Variants in PRSS38 observed in about 807,000 individuals in gnomAD.
The protein encoded by PRSS38 is marapsin 2.
Under a neutral mutation model 26.8 loss-of-function variants are expected in PRSS38, and 22 were observed. The ratio of observed to expected loss-of-function variants is 0.82; its 90% CI spans 0.59 to 1.17. The LOEUF is 1.17. PRSS38 is among the 50% of genes most tolerant of loss of function. The pLI, the probability that PRSS38 is intolerant of heterozygous loss-of-function variation, is 0.00. For missense variants in PRSS38, 427 were observed against 422.7 expected (o/e 1.01, Z -0.09); for synonymous variants, 175 against 172.1 (o/e 1.02, Z -0.13).
chr1:227,819,270 A>G (rs1024599729), intron 3 of PRSS38, among the ~76,000 whole-genome samples: 1 of 152,212 alleles, frequency 6.6e-6, no homozygotes, highest in Non-Finnish European at 1.5e-5. Context: ...TAAACTTTTT[A>G]TACTCTAAGT....
At chr1:227,819,862 G>T (rs770761108) in intron 3 of PRSS38, among the ~76,000 whole-genome samples, 2 of 152,036 alleles carry the variant, frequency 1.3e-5, no homozygotes, top group Non-Finnish European at 2.9e-5. Context: ...AGGCCAAGGC[G>T]GGCGGTTCAC....
At chr1:227,830,486 A>C (rs1448821785) in intron 3 of PRSS38, among the ~76,000 whole-genome samples, 1 of 145,372 alleles carries the variant, frequency 6.9e-6, no homozygotes, top group Non-Finnish European at 1.5e-5. Flanking sequence ...TTCTTGAATT[A>C]GTTTAAGGTG....
intron 3 of PRSS38, among the ~76,000 whole-genome samples, chr1:227,824,242 C>T (rs553900882): frequency 6.6e-6 from 1 of 152,088 alleles, no homozygotes; most frequent in African/African-American, 2.4e-5. Flanking sequence ...CAAACAGGCC[C>T]CAGTGTGTGT....
chr1:227,815,710 G>T, exon 1 of PRSS38: 3 of 1,576,502 alleles, frequency 1.9e-6, no homozygotes, highest in Non-Finnish European at 2.6e-6. Context: ...GCGCTGCCTC[G>T]AGCCTCATGG....
chr1:227,844,633 G>T (rs924242451), intron 3 of PRSS38, among the ~76,000 whole-genome samples: 7 of 149,432 alleles, frequency 4.7e-5, no homozygotes, highest in African/African-American at 1.7e-4. Context: ...CCCTATGTGT[G>T]GTGGGGCTCC....
intron 3 of PRSS38, among the ~76,000 whole-genome samples, chr1:227,823,243 T>C (rs1057040840): frequency 5.3e-5 from 8 of 152,100 alleles, no homozygotes; most frequent in African/African-American, 1.9e-4. Context: ...CCATCCACAT[T>C]GCTGCAAAAG....
intron 3 of PRSS38, among the ~76,000 whole-genome samples, chr1:227,819,355 T>C (rs984712763): frequency 6.6e-6 from 1 of 152,232 alleles, no homozygotes; most frequent in Admixed American, 6.5e-5. Flanking sequence ...TTTCTATGAA[T>C]AAATTGAAGA....
At chr1:227,845,429 G>A (rs1665411889) in intron 3 of PRSS38, 41 bp from the exon 4 acceptor site, 4 of 1,546,602 alleles carry the variant, frequency 2.6e-6, no homozygotes, top group Non-Finnish European at 3.5e-6. Flanking sequence ...CACCCCACAC[G>A]AAGCAGGTGC....
intron 3 of PRSS38, among the ~76,000 whole-genome samples, chr1:227,845,198 C>T (rs577375632): frequency 4.2e-5 from 6 of 141,710 alleles, no homozygotes; most frequent in South Asian, 2.3e-4. Flanking sequence ...GGGGCTCCTC[C>T]CTATGTGTGG....
chr1:227,839,635 T>C (rs1558237390), intron 3 of PRSS38, among the ~76,000 whole-genome samples: 1 of 152,226 alleles, frequency 6.6e-6, no homozygotes, highest in Non-Finnish European at 1.5e-5. Context: ...TGTGAACATC[T>C]TGTGGCTCAG....
In PRSS38 at chr1:227,834,397, A is replaced by G. The variant is rs1665206952; in HGVS notation, c.584-11073A>G. ...GCATCAAAATAAATTGGCCAGGTGT[A>G]GTGGCTCGTGTGTATAATCCCAACA... On this transcript the variant is annotated intron_variant, in intron 3 of 4. Coordinates refer to ENST00000366757, the Ensembl canonical transcript of PRSS38. Among the ~76,000 whole-genome samples, 4 of 152,164 alleles carry G rather than the reference A, an allele frequency of 2.6e-5. No homozygotes were observed. The South Asian group carries it at 8.3e-4, about 32-fold the overall frequency.
At chr1:227,819,843 C>G (rs1353817535) in intron 3 of PRSS38, among the ~76,000 whole-genome samples, 1 of 152,136 alleles carries the variant, frequency 6.6e-6, no homozygotes, top group Non-Finnish European at 1.5e-5. Flanking sequence ...GTAATCCCAG[C>G]ACTTTGGGAG....
intron 3 of PRSS38, among the ~76,000 whole-genome samples, chr1:227,842,384 G>GA (rs1665350501): frequency 6.6e-6 from 1 of 152,070 alleles, no homozygotes; most frequent in East Asian, 1.9e-4. Flanking sequence ...TTGGGGCACA[G>GA]AATTGGATTC....
At chr1:227,815,712 G>A (rs1664898733) in exon 1 of PRSS38, 1 of 1,579,352 alleles carries the variant, frequency 6.3e-7, no homozygotes, top group African/African-American at 1.3e-5. Flanking sequence ...GCTGCCTCGA[G>A]CCTCATGGCT....
chr1:227,838,802 G>A (rs1665274677), intron 3 of PRSS38, among the ~76,000 whole-genome samples: 1 of 152,078 alleles, frequency 6.6e-6, no homozygotes, highest in African/African-American at 2.4e-5. Context: ...TATGATAATT[G>A]TAAATACATG....
chr1:227,835,680 A>G (rs760042930), intron 3 of PRSS38, among the ~76,000 whole-genome samples: 2 of 152,182 alleles, frequency 1.3e-5, no homozygotes, highest in South Asian at 4.1e-4. Flanking sequence ...TCAAAAACAC[A>G]ATGCTAAGTG....
intron 3 of PRSS38, among the ~76,000 whole-genome samples, chr1:227,820,084 C>T (rs1572080711): frequency 2.2e-5 from 2 of 90,584 alleles, no homozygotes; most frequent in Admixed American, 1.6e-4. Flanking sequence ...AGTGAAACTC[C>T]ATCTCAAAAA....
chr1:227,840,536 A>T (rs951316869), intron 3 of PRSS38, among the ~76,000 whole-genome samples: 1 of 152,194 alleles, frequency 6.6e-6, no homozygotes, highest in Non-Finnish European at 1.5e-5. Flanking sequence ...AAGCATATAC[A>T]TGCCCATTTA....
At chr1:227,817,323 G>A in exon 3 of PRSS38, 1 of 1,614,202 alleles carries the variant, frequency 6.2e-7, no homozygotes, top group Non-Finnish European at 8.5e-7. Flanking sequence ...CCACATATGA[G>A]ATGTACCACC....
Sources: allele counts gnomAD v4.1 joint callset (sites outside exome capture counted in the v4.1 genomes callset), GRCh38; gene constraint gnomAD v4.1.1; transcripts MANE v1.5; gene names NCBI Gene and HGNC (gene_info 2026-07-23, HGNC 2026-07-21).